Variants in NLGN1 observed in about 807,000 individuals in gnomAD.
NLGN1 encodes neuroligin 1, also known as neuroligin-1.
A neutral mutation model predicts 65.5 loss-of-function variants in NLGN1; 12 were observed. The observed-to-expected ratio is 0.18, with a 90% CI of 0.12 to 0.30. NLGN1 has a LOEUF of 0.30. Among genes scored for constraint, NLGN1 ranks in the 10% least tolerant of loss-of-function variants. The pLI is 1.00. For missense variants in NLGN1, 750 were observed against 1,007.1 expected (o/e 0.74, Z 3.46); for synonymous variants, 350 against 359.5 (o/e 0.97, Z 0.30).
At chr3:173,940,730 T>G (rs1745936812) in intron 4 of NLGN1, among the ~76,000 whole-genome samples, 2 of 152,200 alleles carry the variant, frequency 1.3e-5, no homozygotes, top group Admixed American at 1.3e-4. Flanking sequence ...TTCATAAATT[T>G]GCCTTACAAT....
chr3:173,744,184 A>G (rs1371929979), intron 3 of NLGN1, among the ~76,000 whole-genome samples: 1 of 152,132 alleles, frequency 6.6e-6, no homozygotes. Context: ...CTGAAATTCA[A>G]TAGAATGGGA....
chr3:173,919,466 C>G (rs750535109), intron 4 of NLGN1, among the ~76,000 whole-genome samples: 22 of 152,168 alleles, frequency 1.4e-4, no homozygotes, highest in Non-Finnish European at 3.1e-4. Flanking sequence ...AAGCCACACT[C>G]ACTTTATTAG....
intron 4 of NLGN1, among the ~76,000 whole-genome samples, chr3:173,932,415 C>G (rs1744261384): frequency 6.6e-6 from 1 of 151,322 alleles, no homozygotes; most frequent in South Asian, 2.1e-4. Context: ...TTCAAGGATG[C>G]TGAAGAGCAA....
At chr3:173,621,366 G>A (rs1197337655) in intron 3 of NLGN1, among the ~76,000 whole-genome samples, 3 of 152,164 alleles carry the variant, frequency 2.0e-5, no homozygotes, top group Non-Finnish European at 4.4e-5. Context: ...AGGCATTACA[G>A]TTGGTAAAGT....
At chr3:173,454,501 T>C (rs971895846) in intron 2 of NLGN1, among the ~76,000 whole-genome samples, 1 of 152,240 alleles carries the variant, frequency 6.6e-6, no homozygotes, top group Non-Finnish European at 1.5e-5. Flanking sequence ...ATCAGTGATC[T>C]TAGCTAGATC....
chr3:173,939,153 C>T (rs1044822638), intron 4 of NLGN1, among the ~76,000 whole-genome samples: 1 of 152,150 alleles, frequency 6.6e-6, no homozygotes, highest in African/African-American at 2.4e-5. Flanking sequence ...ACGTAGTTTT[C>T]GCATGCTTCC....
At chr3:174,177,797 CATA>C (rs1729712965) in intron 4 of NLGN1, among the ~76,000 whole-genome samples, 1 of 152,000 alleles carries the variant, frequency 6.6e-6, no homozygotes, top group Non-Finnish European at 1.5e-5. Context: ...TGACAATAGA[CATA>C]AAAGCATAGT....
chr3:173,720,684 C>T (rs2150001027), intron 3 of NLGN1, among the ~76,000 whole-genome samples: 1 of 152,230 alleles, frequency 6.6e-6, no homozygotes, highest in South Asian at 2.1e-4. Flanking sequence ...TTTATATATT[C>T]CAGATCTTAA....
chr3:173,968,858 G>A lies in NLGN1; in HGVS notation c.646+161026G>A, dbSNP rs1246079371. Among the ~76,000 whole-genome samples, 17 of 151,392 alleles carry A rather than the reference G, an allele frequency of 1.1e-4. No individual in the cohort carries two copies. The East Asian group carries it at 3.3e-3, about 30-fold the overall frequency. On this transcript the variant is annotated intron_variant, in intron 4 of 6. Coordinates refer to ENST00000457714, the Ensembl canonical transcript of NLGN1. Reference sequence around the variant, plus strand: ...AGATTACAGATGCATGTGCCACCATGCCTAGCTAATTTTTGTATTTTTAGT... The same window carrying A: ...AGATTACAGATGCATGTGCCACCATACCTAGCTAATTTTTGTATTTTTAGT...
At chr3:173,470,927 A>T (rs151213909) in intron 2 of NLGN1, among the ~76,000 whole-genome samples, 212 of 152,242 alleles carry the variant, frequency 1.4e-3, no homozygotes, top group African/African-American at 4.8e-3. Context: ...AGTACAAGAG[A>T]CATCTCAAAG....
At chr3:173,580,238 G>C (rs1746180134) in intron 2 of NLGN1, among the ~76,000 whole-genome samples, 1 of 151,944 alleles carries the variant, frequency 6.6e-6, no homozygotes, top group Non-Finnish European at 1.5e-5. Context: ...GATCCATTTG[G>C]TATTAATCAA....
chr3:173,803,384 C>T lies in NLGN1; in HGVS notation c.494-4296C>T, dbSNP rs915408045. 1.0e-3 allele frequency among the ~76,000 whole-genome samples: 158 copies of T among 152,056 alleles called. 1 individual carries two copies. The highest frequency in any genetic ancestry group is 3.4e-3 in the African/African-American group (141 of 41,502). On this transcript the variant is annotated intron_variant, in intron 3 of 6. Coordinates refer to ENST00000457714, the Ensembl canonical transcript of NLGN1. ...CTGTAATCCCAGCACTCTGGGAGGC[C>T]GAGGTGGGCAGATCACTTGAAATCA...
chr3:173,538,217 G>T (rs1737776558), intron 2 of NLGN1, among the ~76,000 whole-genome samples: 1 of 152,108 alleles, frequency 6.6e-6, no homozygotes, highest in African/African-American at 2.4e-5. Context: ...CAGCCTTCTG[G>T]AGAACCTTGC....
At chr3:173,625,722 C>T (rs1302564370) in intron 3 of NLGN1, among the ~76,000 whole-genome samples, 2 of 152,048 alleles carry the variant, frequency 1.3e-5, no homozygotes, top group African/African-American at 2.4e-5. Context: ...AAGGAGTATT[C>T]GGTTAACTTG....
At chr3:174,192,346 G>C (rs1413619137) in intron 4 of NLGN1, among the ~76,000 whole-genome samples, 1 of 152,034 alleles carries the variant, frequency 6.6e-6, no homozygotes, top group Non-Finnish European at 1.5e-5. Flanking sequence ...TTGCGTGCTT[G>C]ATGGCTAATA....
intron 4 of NLGN1, among the ~76,000 whole-genome samples, chr3:174,232,541 G>A (rs1740920590): frequency 6.6e-6 from 1 of 152,148 alleles, no homozygotes; most frequent in Non-Finnish European, 1.5e-5. Context: ...ATGTATACAT[G>A]GGACCCTTCA....
intron 4 of NLGN1, among the ~76,000 whole-genome samples, chr3:174,098,674 T>C (rs1711660817): frequency 6.6e-6 from 1 of 152,172 alleles, no homozygotes; most frequent in African/African-American, 2.4e-5. Context: ...GATTCTGATT[T>C]AATCAGTTCA....
chr3:173,521,855 T>A (rs1279880654), intron 2 of NLGN1, among the ~76,000 whole-genome samples: 2 of 152,236 alleles, frequency 1.3e-5, no homozygotes, highest in African/African-American at 4.8e-5. Context: ...TCAGATTTTT[T>A]AAAATTTTAA....
intron 2 of NLGN1, among the ~76,000 whole-genome samples, chr3:173,453,178 C>T (rs192958473): frequency 1.3e-5 from 2 of 151,702 alleles, no homozygotes; most frequent in East Asian, 1.9e-4. Flanking sequence ...CGGCTCACTG[C>T]AGTCTCCACT....
Sources: gnomAD v4.1 joint callset for allele counts (sites outside exome capture counted in the v4.1 genomes callset) on GRCh38, gnomAD v4.1.1 for gene constraint, MANE v1.5 for transcripts, NCBI Gene and HGNC (gene_info 2026-07-23, HGNC 2026-07-21) for gene names.